The following ZNF84 variants were observed in gnomAD, a reference collection of about 807,000 sequenced individuals.
The protein encoded by ZNF84 is zinc finger protein 84.
Under a neutral mutation model 14.8 loss-of-function variants are expected in ZNF84, and 12 were observed. The observed-to-expected ratio is 0.81, with a 90% CI of 0.52 to 1.31. The LOEUF (loss-of-function observed/expected upper bound fraction) is 1.31, where lower values mean the gene tolerates loss of function less well. Among genes scored for constraint, ZNF84 ranks in the 50% most tolerant of loss-of-function variants. The pLI is 0.00. For synonymous variants in ZNF84, 347 were observed against 291.1 expected, an observed-to-expected ratio of 1.19 and a Z score of -1.96; for missense variants, 859 against 878.6, an observed-to-expected ratio of 0.98 and a Z score of 0.28.
chr12:133,043,774 G>C (rs1953928079), intron 2 of ZNF84, among the ~76,000 whole-genome samples: 1 of 151,810 alleles, frequency 6.6e-6, no homozygotes, highest in Non-Finnish European at 1.5e-5. Flanking sequence ...TTTTTTTTGA[G>C]GCAGAGTCTC....
intron 4 of ZNF84, among the ~76,000 whole-genome samples, chr12:133,049,194 C>G (rs1238681451): frequency 1.3e-5 from 2 of 152,132 alleles, no homozygotes; most frequent in African/African-American, 2.4e-5. Flanking sequence ...CATCTGGGAC[C>G]TTGACTTCTT....
At position 133,059,015 on chromosome 12, in the gene ZNF84, C is replaced by T; in HGVS notation, c.*83C>T. ...TGATAACGTTTGTAGACAGTCACGT[C>T]ATGTTAGGTGTTTGTACTCCATGAG... is the stretch of plus-strand genomic sequence containing the variant. On this transcript the variant is annotated 3_prime_UTR_variant, in exon 5 of 5. Coordinates refer to ENST00000539354, the MANE Select transcript of ZNF84 (RefSeq NM_001289971.2). 2 of 1,340,112 alleles carry T rather than the reference C, an allele frequency of 1.5e-6. No homozygotes were observed. The highest frequency in any genetic ancestry group is 2.0e-6 in the Non-Finnish European group (2 of 984,216). 83.0% of individuals were successfully genotyped at this position (1,340,112 alleles called of 1,614,324 possible). A position where few individuals can be genotyped will look rare whatever the true frequency, so the allele number is the denominator to read the frequency against.
At chr12:133,046,612 A>G (rs1381745020) in intron 2 of ZNF84, among the ~76,000 whole-genome samples, 1 of 151,212 alleles carries the variant, frequency 6.6e-6, no homozygotes, top group Non-Finnish European at 1.5e-5. Context: ...TCTGTAAGAC[A>G]ATGCGACTTT....
At position 133,062,844 on chromosome 12, in the gene ZNF84, G is replaced by A; in HGVS notation, c.*3912G>A. The A allele has an allele frequency of 2.0e-6, 1 of 493,570 alleles. No individual in the cohort carries two copies. The allele number at this position is 493,570 out of a possible 1,614,324, so 30.6% of individuals were successfully genotyped here. On this transcript the variant is annotated 3_prime_UTR_variant, in exon 5 of 5. Coordinates refer to ENST00000539354, the MANE Select transcript of ZNF84 (RefSeq NM_001289971.2). ...ATTTTCTGGCCTCTGTGAACAACTTGTAGTTCCTTGAGATTTCTATTATCA... is the reference window on the plus strand; with the variant it reads ...ATTTTCTGGCCTCTGTGAACAACTTATAGTTCCTTGAGATTTCTATTATCA...
chr12:133,051,696 G>A (rs1432970606), intron 4 of ZNF84, among the ~76,000 whole-genome samples: 5 of 152,302 alleles, frequency 3.3e-5, no homozygotes, highest in African/African-American at 7.2e-5. Context: ...GGTCTTTACT[G>A]GGAGCTGGTC....
intron 2 of ZNF84, among the ~76,000 whole-genome samples, chr12:133,046,925 T>C (rs1953991758): frequency 6.9e-6 from 1 of 144,302 alleles, no homozygotes; most frequent in Non-Finnish European, 1.5e-5. Context: ...TATTATATTA[T>C]TTTTAATATA....
chr12:133,048,905 C>A (rs1593703938), intron 4 of ZNF84, 57 bp downstream of exon 4: 1 of 1,439,664 alleles, frequency 6.9e-7, no homozygotes, highest in East Asian at 2.4e-5. Flanking sequence ...GTCATCTGGT[C>A]AGTGACGGGT....
chr12:133,050,626 T>C (rs1019750178), intron 4 of ZNF84: 1 of 398,418 alleles, frequency 2.5e-6, no homozygotes, highest in South Asian at 1.3e-4. Flanking sequence ...TTTTTAGATA[T>C]GTAACATCTT....
rs917692514 is a variant in ZNF84 at position 133,058,457 on chromosome 12, C to A, written c.1742C>A (p.Ser581Tyr). Residue 581 changes from serine (S) to tyrosine (Y), a missense_variant, in exon 5 of 5, where the codon TCC becomes TAC. Physicochemically the swap from Ser to Tyr is moderately radical, Grantham distance 144. Transcript: ENST00000539354. ...TGCAGGGACTGTGAAAAAGCTTTCT[C>A]CCAGAAATCACAGCTAAATACCCAT... ...YECRDCEKAF[S>Y]QKSQLNTHQR... The A allele has an allele frequency of 6.2e-7, 1 of 1,613,742 alleles. No homozygotes were observed. The highest frequency in any genetic ancestry group is 1.3e-5 in the African/African-American group (1 of 74,820).
chr12:133,038,473 A>T (rs1953828084), intron 1 of ZNF84, among the ~76,000 whole-genome samples: 1 of 151,868 alleles, frequency 6.6e-6, no homozygotes, highest in Non-Finnish European at 1.5e-5. Context: ...AGGTAGGAGG[A>T]TCACTTGAGC....
intron 4 of ZNF84, among the ~76,000 whole-genome samples, chr12:133,053,302 T>A (rs1954101324): frequency 6.6e-6 from 1 of 152,224 alleles, no homozygotes; most frequent in Admixed American, 6.5e-5. Context: ...TTAAAACACA[T>A]ACTTAAGTAT....
At chr12:133,047,371 A>G (rs955785585) in intron 2 of ZNF84, among the ~76,000 whole-genome samples, 6 of 152,212 alleles carry the variant, frequency 3.9e-5, no homozygotes, top group Non-Finnish European at 7.3e-5. Flanking sequence ...TACAAAGGCC[A>G]TTGAAGCCTT....
intron 2 of ZNF84, among the ~76,000 whole-genome samples, chr12:133,041,932 A>G (rs996052270): frequency 4.5e-4 from 68 of 152,324 alleles, no homozygotes; most frequent in African/African-American, 1.5e-3. Context: ...TGCTTTTTGC[A>G]GTTTCAATTT....
At chr12:133,055,873 A>G (rs1351673561) in intron 4 of ZNF84, among the ~76,000 whole-genome samples, 3 of 152,176 alleles carry the variant, frequency 2.0e-5, no homozygotes, top group African/African-American at 7.2e-5. Flanking sequence ...TGAGGTGGAA[A>G]GACTGCATAA....
chr12:133,056,590 T>C (rs971743287), intron 4 of ZNF84, among the ~76,000 whole-genome samples: 5 of 152,154 alleles, frequency 3.3e-5, no homozygotes, highest in African/African-American at 7.2e-5. Context: ...CTCTAGTACC[T>C]TACACACTAC....
intron 4 of ZNF84, 146 bp from the exon 5 acceptor site, chr12:133,056,808 T>C (rs1954167281): frequency 1.8e-6 from 1 of 551,600 alleles, no homozygotes; most frequent in African/African-American, 2.0e-5. Context: ...ACCTAGAAGA[T>C]AGTTATTATA....
In ZNF84 at chr12:133,058,789, TTC is replaced by T; in HGVS notation, c.2079_2080del (p.Gln694GlufsTer6). Reference protein sequence around the residue: ...PYGCSECRKAFSQKSQLVNHQ... With the variant: ...PYGCSECRKAXSQKSQLVNHQ... The stretch of plus-strand genomic sequence containing the variant: ...TGGATGCAGTGAATGTAGGAAGGCC[TTC>T]TCTCAGAAGTCACAGCTGGTTAATC... On this transcript the variant is annotated frameshift_variant, in exon 5 of 5. Coordinates refer to ENST00000539354, the MANE Select transcript of ZNF84 (RefSeq NM_001289971.2). LOFTEE classifies it low-confidence loss of function (END_TRUNC). 3.7e-6 allele frequency: 6 copies of T among 1,614,072 alleles called. No homozygotes were observed. Among genetic ancestry groups the T allele is most frequent in the Non-Finnish European group, 5.1e-6 (6 of 1,179,984 alleles).
chr12:133,057,356 A>G lies in ZNF84; in HGVS notation c.641A>G (p.Lys214Arg). ...EKLYECSECR[K>R]RFSKKPSLIK... ...CTCTATGAATGCAGTGAATGTAGGAAGCGCTTCAGTAAGAAACCAAGTCTC... is the reference window on the plus strand; with the variant it reads ...CTCTATGAATGCAGTGAATGTAGGAGGCGCTTCAGTAAGAAACCAAGTCTC... The change falls in exon 5 of 5, where the codon AAG becomes AGG. Residue 214 changes from lysine to arginine, a missense_variant. Physicochemically the swap from Lys to Arg is conservative, Grantham distance 26. Transcript: ENST00000539354. 3.7e-6 allele frequency: 6 copies of G among 1,613,952 alleles called. No individual in the cohort carries two copies. Among genetic ancestry groups the G allele is most frequent in the Non-Finnish European group, 4.2e-6 (5 of 1,179,986 alleles).
chr12:133,063,160 G>T lies in ZNF84; in HGVS notation c.*4228G>T, dbSNP rs1218958836. ...GAAGCCATGATGAAAGCAAAATCAA[G>T]AAAGAGTCCCGATTGTGTTCCAGTA... is the stretch of plus-strand genomic sequence containing the variant. On this transcript the variant is annotated 3_prime_UTR_variant, in exon 5 of 5. Coordinates refer to ENST00000539354, the MANE Select transcript of ZNF84 (RefSeq NM_001289971.2). 3 of 702,236 alleles carry T rather than the reference G, an allele frequency of 4.3e-6. No individual in the cohort carries two copies. The Admixed American group carries it at 6.0e-5, about 14-fold the overall frequency. The allele number at this position is 702,236 out of a possible 1,614,324, so 43.5% of individuals were successfully genotyped here. A position where few individuals can be genotyped will look rare whatever the true frequency, so the allele number is the denominator to read the frequency against.
Sources: allele counts gnomAD v4.1 joint callset (sites outside exome capture counted in the v4.1 genomes callset), GRCh38; gene constraint gnomAD v4.1.1; transcripts MANE v1.5; gene names NCBI Gene and HGNC (gene_info 2026-07-23, HGNC 2026-07-21).